Variants in OSMR observed in about 807,000 individuals in gnomAD.
OSMR encodes the protein oncostatin M receptor, also known as oncostatin-M-specific receptor subunit beta.
In OSMR, 81 loss-of-function variants were observed where a neutral mutation model predicts 99.9. The ratio of observed to expected loss-of-function variants is 0.81; its 90% CI spans 0.68 to 0.97. The LOEUF is 0.97. Among genes scored for constraint, OSMR ranks in the 50% least tolerant of loss-of-function variants. The pLI is 0.00. For missense variants in OSMR, 1,099 were observed against 1,153.4 expected (o/e 0.95, Z 0.68); for synonymous variants, 406 against 410.4 (o/e 0.99, Z 0.13).
At chr5:38,887,738 C>G (rs1204467776) in intron 7 of OSMR, among the ~76,000 whole-genome samples, 1 of 152,142 alleles carries the variant, frequency 6.6e-6, no homozygotes, top group African/African-American at 2.4e-5. Context: ...CTGGGCTTTT[C>G]ATGGGATTTG....
chr5:38,894,540 G>T (rs897040296), intron 7 of OSMR, among the ~76,000 whole-genome samples: 1 of 151,606 alleles, frequency 6.6e-6, no homozygotes, highest in African/African-American at 2.4e-5. Flanking sequence ...AGAGCAAAAA[G>T]ATATTCTTAT....
chr5:38,870,488 C>G (rs963359552), intron 2 of OSMR, among the ~76,000 whole-genome samples: 18 of 152,098 alleles, frequency 1.2e-4, no homozygotes, highest in Non-Finnish European at 2.6e-4. Flanking sequence ...CACGCCACCA[C>G]GCCCAGCTAA....
intron 16 of OSMR, 132 bp downstream of exon 16, chr5:38,932,096 G>A: frequency 1.3e-6 from 1 of 753,820 alleles, no homozygotes; most frequent in South Asian, 1.6e-5. Context: ...AGGAGGCTGG[G>A]GTGAGAGTAT....
intron 2 of OSMR, among the ~76,000 whole-genome samples, chr5:38,873,623 T>C (rs771108095): frequency 4.7e-4 from 71 of 152,152 alleles, no homozygotes; most frequent in Non-Finnish European, 1.2e-4. Flanking sequence ...GGCTGTAATT[T>C]CTCCACATCC....
At chr5:38,858,948 T>C (rs1320711309) in intron 1 of OSMR, among the ~76,000 whole-genome samples, 1 of 152,198 alleles carries the variant, frequency 6.6e-6, no homozygotes, top group Non-Finnish European at 1.5e-5. Context: ...CACTTTTTAA[T>C]GGAATTTTTG....
intron 15 of OSMR, among the ~76,000 whole-genome samples, chr5:38,931,131 A>G (rs1001075517): frequency 1.3e-5 from 2 of 152,232 alleles, no homozygotes; most frequent in East Asian, 3.8e-4. Flanking sequence ...ACCAGTTGAC[A>G]TATTGGAGAA....
intron 3 of OSMR, among the ~76,000 whole-genome samples, chr5:38,879,784 C>T (rs570941781): frequency 1.2e-4 from 18 of 152,050 alleles, no homozygotes; most frequent in Non-Finnish European, 2.1e-4. Flanking sequence ...CTACCACATC[C>T]GGCTAATTTT....
At chr5:38,904,531 A>G in intron 9 of OSMR, 28 bp downstream of exon 9, 1 of 1,613,950 alleles carries the variant, frequency 6.2e-7, no homozygotes, top group Non-Finnish European at 8.5e-7. Flanking sequence ...CATTTAACCC[A>G]AAGAAGTAGG....
intron 3 of OSMR, among the ~76,000 whole-genome samples, chr5:38,878,288 T>C (rs886607742): frequency 1.3e-5 from 2 of 152,062 alleles, no homozygotes; most frequent in Non-Finnish European, 2.9e-5. Context: ...GACCAAAATC[T>C]CCCTTATACA....
intron 4 of OSMR, among the ~76,000 whole-genome samples, chr5:38,882,367 G>A (rs1214536758): frequency 6.6e-6 from 1 of 152,202 alleles, no homozygotes; most frequent in East Asian, 1.9e-4. Flanking sequence ...TTGAGGTCAG[G>A]AGTTCAAGAC....
At chr5:38,862,558 T>C (rs1184349459) in intron 1 of OSMR, among the ~76,000 whole-genome samples, 1 of 131,402 alleles carries the variant, frequency 7.6e-6, no homozygotes, top group Non-Finnish European at 1.6e-5. Flanking sequence ...TCCTCACTTC[T>C]CAGACGGGGC....
At chr5:38,856,375 C>T (rs138003957) in intron 1 of OSMR, among the ~76,000 whole-genome samples, 90 of 152,320 alleles carry the variant, frequency 5.9e-4, no homozygotes, top group African/African-American at 2.0e-3. Flanking sequence ...GTAGCTAGGA[C>T]TCATCTTCCC....
chr5:38,877,809 AAAT>A (rs1368862130), intron 3 of OSMR, among the ~76,000 whole-genome samples: 3 of 152,332 alleles, frequency 2.0e-5, no homozygotes, highest in Admixed American at 2.0e-4. Flanking sequence ...ATGTTACAAA[AAAT>A]AATATTAGCC....
chr5:38,869,008 C>T, intron 1 of OSMR, 24 bp from the exon 2 acceptor site: 1 of 1,610,640 alleles, frequency 6.2e-7, no homozygotes, highest in Non-Finnish European at 8.5e-7. Flanking sequence ...TAAAATTTTC[C>T]TTCTTATAAT....
At chr5:38,859,206 G>GT (rs985647564) in intron 1 of OSMR, among the ~76,000 whole-genome samples, 1 of 151,994 alleles carries the variant, frequency 6.6e-6, no homozygotes, top group Non-Finnish European at 1.5e-5. Context: ...TTTCTGCTAT[G>GT]TTTTTTTCTA....
Position 38,888,296 on chromosome 5 carries a change from G to A in OSMR, c.991+2106G>A, listed in dbSNP as rs531558428. 3.3e-5 allele frequency among the ~76,000 whole-genome samples: 5 copies of A among 152,248 alleles called. No individual in the cohort carries two copies. In the South Asian group the frequency reaches 8.3e-4, roughly 25 times the overall value. ...TGATGTTCTGCACACGTGGGGATATGTGGGGGCTGCCATGTTGCTAGGCAC... is the reference window on the plus strand; with the variant it reads ...TGATGTTCTGCACACGTGGGGATATATGGGGGCTGCCATGTTGCTAGGCAC... On this transcript the variant is annotated intron_variant, in intron 7 of 17. Transcript: ENST00000274276.
Position 38,881,620 on chromosome 5 carries a change from A to T in OSMR, c.274A>T (p.Asn92Tyr), listed in dbSNP as rs1743290152. 1 of 1,614,114 alleles carries T rather than the reference A, an allele frequency of 6.2e-7. No homozygotes were observed. Among genetic ancestry groups the T allele is most frequent in the Admixed American group, 1.7e-5 (1 of 60,020 alleles). ...GAATTACAGCACCACTGTGAAGTGG[A>T]ACCAGGTTCTGCATTGGAGCTGGGA... ...VGNYSTTVKW[N>Y]QVLHWSWESE... Residue 92 changes from asparagine (N) to tyrosine (Y), a missense_variant, in exon 4 of 18, where the codon AAC becomes TAC. Coordinates refer to ENST00000274276, the MANE Select transcript of OSMR (RefSeq NM_003999.3).
Position 38,935,178 on chromosome 5 carries a change from C to T in OSMR, c.*1734C>T, listed in dbSNP as rs1746958926. 1 of 152,380 alleles carries T rather than the reference C, an allele frequency of 6.6e-6. No individual in the cohort carries two copies. The highest frequency in any genetic ancestry group is 2.1e-4 in the South Asian group (1 of 4,830). The allele number at this position is 152,380 out of a possible 1,614,324, so 9.4% of individuals were successfully genotyped here. A position where few individuals can be genotyped will look rare whatever the true frequency, so the allele number is the denominator to read the frequency against. ...CATGAAAGGGGTTCATTTTTGTCTT[C>T]TTCTTGCCTGCCGTCAGCATGGTGG... On this transcript the variant is annotated 3_prime_UTR_variant, in exon 18 of 18. Coordinates refer to ENST00000274276, the MANE Select transcript of OSMR (RefSeq NM_003999.3).
At chr5:38,936,681 T>G (rs1747060644), downstream of OSMR, among the ~76,000 whole-genome samples, 1 of 152,070 alleles carries the variant, frequency 6.6e-6, no homozygotes, top group South Asian at 2.1e-4. Context: ...ATGATAAGCT[T>G]TCATCTCAAA....
Sources: gnomAD v4.1 joint callset for allele counts (sites outside exome capture counted in the v4.1 genomes callset) on GRCh38, gnomAD v4.1.1 for gene constraint, MANE v1.5 for transcripts, NCBI Gene and HGNC (gene_info 2026-07-23, HGNC 2026-07-21) for gene names.